PLPP1: variants seen among roughly 807,000 people sequenced by gnomAD.
PLPP1 encodes the protein phospholipid phosphatase 1, also known as lipid phosphate phosphohydrolase 1a.
Under a neutral mutation model 31.2 loss-of-function variants are expected in PLPP1, and 24 were observed. The ratio of observed to expected loss-of-function variants is 0.77; its 90% CI spans 0.56 to 1.08. The LOEUF (loss-of-function observed/expected upper bound fraction) is 1.08, where lower values mean the gene tolerates loss of function less well. Ranked by LOEUF, PLPP1 falls within the 50% of genes least tolerant of loss-of-function variation. The pLI is 0.00. For synonymous variants in PLPP1, 146 were observed against 126.3 expected (o/e 1.16, Z -1.05); for missense variants, 319 against 342.7 (o/e 0.93, Z 0.55).
At chr5:55,488,866 T>G (rs972622971) in intron 1 of PLPP1, among the ~76,000 whole-genome samples, 1 of 152,078 alleles carries the variant, frequency 6.6e-6, no homozygotes, top group Non-Finnish European at 1.5e-5. Flanking sequence ...CCATTTCTAC[T>G]AAAAATACAA....
intron 1 of PLPP1, among the ~76,000 whole-genome samples, chr5:55,503,770 C>T (rs1485193251): frequency 1.5e-5 from 2 of 131,844 alleles, no homozygotes; most frequent in African/African-American, 5.6e-5. Flanking sequence ...CAGAGAGAGG[C>T]TGTCTCAAAA....
chr5:55,448,240 A>G (rs1751812680), intron 3 of PLPP1, among the ~76,000 whole-genome samples: 1 of 152,206 alleles, frequency 6.6e-6, no homozygotes, highest in Admixed American at 6.5e-5. Context: ...CACATCTAAG[A>G]TACTTAAGGA....
At chr5:55,441,733 T>A (rs78350930) in intron 4 of PLPP1, 118 bp downstream of exon 4, 13 of 1,049,472 alleles carry the variant, frequency 1.2e-5, no homozygotes, top group African/African-American at 3.2e-5. Context: ...GATTTGCAGA[T>A]CATCTGTTTC....
intron 1 of PLPP1, among the ~76,000 whole-genome samples, chr5:55,532,152 T>C (rs2111965827): frequency 6.6e-6 from 1 of 152,346 alleles, no homozygotes; most frequent in East Asian, 1.9e-4. Context: ...GTTTGTATCA[T>C]GTTAAAACTA....
At chr5:55,521,235 C>A (rs1321074099) in intron 1 of PLPP1, among the ~76,000 whole-genome samples, 1 of 152,080 alleles carries the variant, frequency 6.6e-6, no homozygotes, top group East Asian at 1.9e-4. Flanking sequence ...TACCTGTAAT[C>A]CCAGCTACTC....
At chr5:55,460,971 G>A (rs1346651625) in intron 3 of PLPP1, among the ~76,000 whole-genome samples, 2 of 152,132 alleles carry the variant, frequency 1.3e-5, no homozygotes, top group African/African-American at 4.8e-5. Context: ...GATCAGTTGC[G>A]ACAAGGAGTT....
chr5:55,438,625 GGCGC>G (rs1306274985), intron 4 of PLPP1, among the ~76,000 whole-genome samples: 1 of 152,178 alleles, frequency 6.6e-6, no homozygotes, highest in African/African-American at 2.4e-5. Context: ...ACATAGGCCA[GGCGC>G]GGTGGCTCAC....
chr5:55,528,551 A>G (rs765674310), intron 1 of PLPP1, among the ~76,000 whole-genome samples: 2 of 152,250 alleles, frequency 1.3e-5, no homozygotes, highest in Non-Finnish European at 2.9e-5. Flanking sequence ...CTCAGTGTCC[A>G]TTAATCGGCA....
chr5:55,433,329 GAAAAA>G (rs1229393587), intron 4 of PLPP1, among the ~76,000 whole-genome samples: 1 of 144,800 alleles, frequency 6.9e-6, no homozygotes, highest in African/African-American at 2.6e-5. Context: ...GTCTCGAAAA[GAAAAA>G]AAGAAAAGAA....
chr5:55,476,215 C>T (rs1304288957), intron 1 of PLPP1, among the ~76,000 whole-genome samples: 1 of 151,672 alleles, frequency 6.6e-6, no homozygotes, highest in African/African-American at 2.4e-5. Flanking sequence ...CGAGGTCTAG[C>T]TATGTTGCCC....
At chr5:55,443,747 T>C (rs1415128430) in intron 3 of PLPP1, among the ~76,000 whole-genome samples, 1 of 152,220 alleles carries the variant, frequency 6.6e-6, no homozygotes, top group Non-Finnish European at 1.5e-5. Flanking sequence ...AAAACAGATA[T>C]TTTATTCAGT....
intron 3 of PLPP1, among the ~76,000 whole-genome samples, chr5:55,464,878 A>G (rs950150319): frequency 6.6e-6 from 1 of 152,206 alleles, no homozygotes; most frequent in Non-Finnish European, 1.5e-5. Flanking sequence ...GTAATGGTAA[A>G]TAACTTTACA....
Position 55,467,949 on chromosome 5 carries a change from A to G in PLPP1, c.411T>C (p.Asp137=), listed in dbSNP as rs1278176303. Residue 137 remains aspartate, a synonymous_variant, in exon 3 of 6, where the codon GAT becomes GAC. Coordinates refer to ENST00000307259, the MANE Select transcript of PLPP1 (RefSeq NM_003711.4). The part of the protein sequence containing the change: ...RPHFLDVCDP[D]WSKINCSDGY... Reference sequence around the variant, plus strand: ...CATCGCTGCAGTTGATTTTTGACCAATCTGGATCACAAACATCCAAGAAGT... The same window carrying G: ...CATCGCTGCAGTTGATTTTTGACCAGTCTGGATCACAAACATCCAAGAAGT... The G allele has an allele frequency of 6.2e-7, 1 of 1,614,182 alleles. No homozygotes were observed. The highest frequency in any genetic ancestry group is 1.3e-5 in the African/African-American group (1 of 75,056).
At chr5:55,438,809 G>C (rs1751554975) in intron 4 of PLPP1, among the ~76,000 whole-genome samples, 1 of 152,030 alleles carries the variant, frequency 6.6e-6, no homozygotes, top group Admixed American at 6.6e-5. Context: ...GCTGAGGCAG[G>C]AGAATGGCGT....
chr5:55,433,280 C>T (rs1167977339), intron 4 of PLPP1, among the ~76,000 whole-genome samples: 3 of 149,768 alleles, frequency 2.0e-5, no homozygotes, highest in Non-Finnish European at 4.4e-5. Context: ...GAGCTGAGAT[C>T]GTGTCACTGC....
intron 3 of PLPP1, among the ~76,000 whole-genome samples, chr5:55,456,652 A>C (rs1752020397): frequency 6.6e-6 from 1 of 152,180 alleles, no homozygotes; most frequent in African/African-American, 2.4e-5. Context: ...GTATCCAGCC[A>C]AACTACACTC....
At chr5:55,449,366 A>G (rs1182719186) in intron 3 of PLPP1, among the ~76,000 whole-genome samples, 1 of 152,220 alleles carries the variant, frequency 6.6e-6, no homozygotes, top group East Asian at 1.9e-4. Flanking sequence ...TATATGTGAC[A>G]ATATTTTAAA....
At chr5:55,458,556 G>A (rs545964991) in intron 3 of PLPP1, among the ~76,000 whole-genome samples, 3 of 152,182 alleles carry the variant, frequency 2.0e-5, no homozygotes, top group East Asian at 1.9e-4. Flanking sequence ...AAGGAAAGCA[G>A]TATAGGAAGA....
At position 55,519,065 on chromosome 5, in the gene PLPP1, TAA is replaced by T. The variant is rs777544547; in HGVS notation, c.58+15505_58+15506del. On this transcript the variant is annotated intron_variant, in intron 1 of 5. Transcript: ENST00000307259. ...ATCCTGAGGAAAGGGGGGAAATCCA[TAA>T]AAAAACTTCAGAGGGTAATTACTGG... 1.1e-4 allele frequency among the ~76,000 whole-genome samples: 16 copies of T among 152,228 alleles called. No homozygotes were observed. In the East Asian group the frequency reaches 1.5e-3, roughly 15 times the overall value.
Sources: allele counts gnomAD v4.1 joint callset (sites outside exome capture counted in the v4.1 genomes callset), GRCh38; gene constraint gnomAD v4.1.1; transcripts MANE v1.5; gene names NCBI Gene and HGNC (gene_info 2026-07-23, HGNC 2026-07-21).